The following AMZ1 variants were observed in gnomAD, a reference collection of about 807,000 sequenced individuals.
AMZ1 encodes archaemetzincin-1.
Under a neutral mutation model 29.9 loss-of-function variants are expected in AMZ1, and 39 were observed. The ratio of observed to expected loss-of-function variants is 1.30; its 90% CI spans 1.01 to 1.70. The LOEUF is 1.70. Among genes scored for constraint, AMZ1 ranks in the 40% most tolerant of loss-of-function variants. The pLI is 0.00. For missense variants in AMZ1, 1,041 were observed against 680.6 expected (o/e 1.53, Z -5.89); for synonymous variants, 458 against 304.0 (o/e 1.51, Z -5.27).
At chr7:2,699,855 G>C (rs1190987157) in intron 1 of AMZ1, among the ~76,000 whole-genome samples, 1 of 152,172 alleles carries the variant, frequency 6.6e-6, no homozygotes, top group East Asian at 1.9e-4. Flanking sequence ...GAGTTGGCTG[G>C]TAAGAGGGAA....
In AMZ1 at chr7:2,700,392, CG is replaced by C; in HGVS notation, c.-57del. 6.5e-7 allele frequency: 1 copy of C among 1,546,066 alleles called. No individual in the cohort carries two copies. The highest frequency in any genetic ancestry group is 8.7e-7 in the Non-Finnish European group (1 of 1,149,462). Reference sequence around the variant, plus strand: ...TCTGGACGAGACCGTGGCCGTCCCCCGGGTGGCCCATGGACAGCAGCAGGGG... The same window carrying C: ...TCTGGACGAGACCGTGGCCGTCCCCCGGTGGCCCATGGACAGCAGCAGGGG... On this transcript the variant is annotated 5_prime_UTR_variant, in exon 2 of 7. Transcript: ENST00000683327.
intron 4 of AMZ1, among the ~76,000 whole-genome samples, chr7:2,757,741 A>G (rs113482650): frequency 4.6e-5 from 7 of 152,380 alleles, no homozygotes; most frequent in African/African-American, 1.7e-4. Context: ...ACCATGAAGC[A>G]TAAAGGAAAA....
chr7:2,732,153 T>G (rs773933350), intron 4 of AMZ1, among the ~76,000 whole-genome samples: 8 of 152,260 alleles, frequency 5.3e-5, no homozygotes, highest in African/African-American at 1.2e-4. Context: ...GAATGTGATG[T>G]AAATTCAATC....
At chr7:2,690,567 G>T (rs1340930805) in intron 1 of AMZ1, among the ~76,000 whole-genome samples, 1 of 152,142 alleles carries the variant, frequency 6.6e-6, no homozygotes, top group African/African-American at 2.4e-5. Flanking sequence ...GGCGGCTCAG[G>T]TTGGCTGAAG....
At chr7:2,686,840 G>A (rs949419539), upstream of AMZ1, among the ~76,000 whole-genome samples, 33 of 151,646 alleles carry the variant, frequency 2.2e-4, no homozygotes, top group African/African-American at 6.8e-4. Context: ...TCAGCCTCCC[G>A]AGTAGCTGGG....
At chr7:2,755,690 A>G (rs1187836508) in intron 4 of AMZ1, among the ~76,000 whole-genome samples, 7 of 152,230 alleles carry the variant, frequency 4.6e-5, no homozygotes, top group Admixed American at 3.9e-4. Flanking sequence ...AGGAACAGTC[A>G]TATTTCTTTT....
chr7:2,716,991 C>G lies in AMZ1; in HGVS notation c.*4113C>G, dbSNP rs191025264. On this transcript the variant is annotated 3_prime_UTR_variant, in exon 7 of 7. Transcript: ENST00000683327. ...GCAGCTTTCTAAAAGCAAGCTGGAG[C>G]GGTCTGAGCAGGAAGAGAGTAAGAA... Among the ~76,000 whole-genome samples, 1 of 152,190 alleles carries G rather than the reference C, an allele frequency of 6.6e-6. No homozygotes were observed. The highest frequency in any genetic ancestry group is 2.4e-5 in the African/African-American group (1 of 41,446).
chr7:2,737,272 T>TTG (rs1562394858), intron 4 of AMZ1, among the ~76,000 whole-genome samples: 1 of 54,808 alleles, frequency 1.8e-5, no homozygotes, highest in African/African-American at 6.2e-5. Flanking sequence ...CAGTTTTGTT[T>TTG]TGTTTTTTTT....
downstream of AMZ1, among the ~76,000 whole-genome samples, chr7:2,720,687 C>A (rs777483283): frequency 5.3e-5 from 8 of 151,814 alleles, no homozygotes; most frequent in African/African-American, 7.3e-5. Flanking sequence ...AGGTGTGAGC[C>A]ACTGCGCCCA....
chr7:2,702,858 C>T lies in AMZ1; in HGVS notation c.441C>T (p.Ser147=). Residue 147 remains serine (S), a synonymous_variant, in exon 3 of 7, where the codon AGC becomes AGT. Coordinates refer to ENST00000683327, the MANE Select transcript of AMZ1 (RefSeq NM_001384743.1). ...AASIRCSSRP[S]RDSDRLQLHT... ...CCATCCGCTGCTCCTCGCGGCCCAG[C>T]CGGGACTCTGACAGGCTCCAGCTCC... 1.9e-6 allele frequency: 3 copies of T among 1,587,092 alleles called. No homozygotes were observed. Among genetic ancestry groups the T allele is most frequent in the Non-Finnish European group, 1.7e-6 (2 of 1,172,636 alleles).
chr7:2,725,012 C>T (rs554334163), intron 4 of AMZ1, among the ~76,000 whole-genome samples: 3 of 152,304 alleles, frequency 2.0e-5, no homozygotes, highest in Admixed American at 1.3e-4. Context: ...CTTCCTACCC[C>T]TCACCGCACA....
At chr7:2,732,191 C>A (rs1400718862) in intron 4 of AMZ1, among the ~76,000 whole-genome samples, 1 of 152,126 alleles carries the variant, frequency 6.6e-6, no homozygotes, top group Non-Finnish European at 1.5e-5. Flanking sequence ...TATTCTTAGA[C>A]AATTCTTTAA....
downstream of AMZ1, among the ~76,000 whole-genome samples, chr7:2,722,263 G>C (rs1191171789): frequency 2.7e-5 from 4 of 148,668 alleles, no homozygotes. Context: ...TTAAGAAAAA[G>C]GGCATTTCGA....
chr7:2,735,110 C>T, intron 4 of AMZ1, among the ~76,000 whole-genome samples: 1 of 98,034 alleles, frequency 1.0e-5, no homozygotes, highest in Non-Finnish European at 2.5e-5. Flanking sequence ...GTTGGGTGCA[C>T]TCACTCCCTG....
chr7:2,711,483 C>T (rs1366201062), intron 6 of AMZ1, among the ~76,000 whole-genome samples: 1 of 152,236 alleles, frequency 6.6e-6, no homozygotes. Flanking sequence ...CCTTGTTAAA[C>T]TGTGTGTCCC....
intron 4 of AMZ1, among the ~76,000 whole-genome samples, chr7:2,754,022 T>A (rs1791168981): frequency 6.6e-6 from 1 of 152,216 alleles, no homozygotes; most frequent in Non-Finnish European, 1.5e-5. Context: ...TCTAAACCCT[T>A]AAGTTCAGCG....
rs1411365432 is a variant in AMZ1, at chr7:2,717,525, C to A, written c.*4647C>A. 6.6e-6 allele frequency among the ~76,000 whole-genome samples: 1 copy of A among 152,220 alleles called. No homozygotes were observed. Among genetic ancestry groups the A allele is most frequent in the African/African-American group, 2.4e-5 (1 of 41,462 alleles). ...TCCAGAGCTGAAATCTAGCTGTGAT[C>A]CCTGTGGGGCAACTGCACACAGAGG... On this transcript the variant is annotated 3_prime_UTR_variant, in exon 7 of 7. Transcript: ENST00000683327.
chr7:2,720,047 G>GA (rs1406774089), downstream of AMZ1, among the ~76,000 whole-genome samples: 1 of 152,226 alleles, frequency 6.6e-6, no homozygotes, highest in East Asian at 1.9e-4. Flanking sequence ...AATGAAAAGA[G>GA]AATGTGTCTG....
intron 4 of AMZ1, chr7:2,733,567 G>C (rs1790009001): frequency 7.9e-7 from 1 of 1,262,128 alleles, no homozygotes; most frequent in African/African-American, 1.5e-5. Flanking sequence ...GCAAATACAA[G>C]AACTGAACAG....
Sources: allele counts gnomAD v4.1 joint callset (sites outside exome capture counted in the v4.1 genomes callset), GRCh38; gene constraint gnomAD v4.1.1; transcripts MANE v1.5; gene names NCBI Gene and HGNC (gene_info 2026-07-23, HGNC 2026-07-21).